Variants in SEM1 observed in about 807,000 individuals in gnomAD.
The protein encoded by SEM1 is SEM1 26S proteasome subunit.
Under a neutral mutation model 12.7 loss-of-function variants are expected in SEM1, and 3 were observed. The ratio of observed to expected loss-of-function variants is 0.24; its 90% confidence interval spans 0.11 to 0.61. The LOEUF is 0.61. Ranked by LOEUF, SEM1 falls within the 20% of genes least tolerant of loss-of-function variation. The pLI, the probability that SEM1 is intolerant of heterozygous loss-of-function variation, is 0.88. For missense variants in SEM1, 59 were observed against 81.3 expected (o/e 0.73, Z 1.06); for synonymous variants, 30 against 27.8 (o/e 1.08, Z -0.25).
chr7:96,645,210 T>C (rs1003046586), intron 2 of SEM1, among the ~76,000 whole-genome samples: 10 of 152,116 alleles, frequency 6.6e-5, no homozygotes, highest in Admixed American at 3.9e-4. Context: ...TTTAAGCATT[T>C]GTTCGTTCGT....
intron 2 of SEM1, among the ~76,000 whole-genome samples, chr7:96,592,619 T>C (rs1806863466): frequency 6.6e-6 from 1 of 151,144 alleles, no homozygotes; most frequent in Non-Finnish European, 1.5e-5. Flanking sequence ...AGAAAACCAT[T>C]AGCACAAGCA....
At chr7:96,638,890 C>T (rs576678323) in intron 2 of SEM1, among the ~76,000 whole-genome samples, 2 of 152,002 alleles carry the variant, frequency 1.3e-5, no homozygotes, top group African/African-American at 2.4e-5. Flanking sequence ...TCAAGCCTGC[C>T]TCTGCCCTTA....
chr7:96,612,696 C>T lies in SEM1; in HGVS notation c.170+82102G>A, dbSNP rs895459299. ...AGTCGCCCAGGCTGGAGTGCAGTGG[C>T]GCAATCTCAGCTCACTGCAAGCTCT... On this transcript the variant is annotated intron_variant and NMD_transcript_variant, in intron 2 of 3. Transcript: ENST00000466986. 5.9e-5 allele frequency among the ~76,000 whole-genome samples: 9 copies of T among 152,244 alleles called. No individual in the cohort carries two copies. The East Asian group carries it at 9.7e-4, about 16-fold the overall frequency.
chr7:96,555,346 CTA>C (rs1563058463), intron 2 of SEM1, among the ~76,000 whole-genome samples: 1 of 151,456 alleles, frequency 6.6e-6, no homozygotes, highest in African/African-American at 2.4e-5. Context: ...AAATTTCCCT[CTA>C]CACACTGTTT....
At chr7:96,644,430 T>C (rs1329557128) in intron 2 of SEM1, among the ~76,000 whole-genome samples, 1 of 152,120 alleles carries the variant, frequency 6.6e-6, no homozygotes, top group African/African-American at 2.4e-5. Context: ...TATTTTTCTG[T>C]CTTCATAGCA....
downstream of SEM1, chr7:96,622,383 A>T (rs563769049): frequency 2.0e-6 from 1 of 511,548 alleles, no homozygotes; most frequent in African/African-American, 1.9e-5. Context: ...ACACAGAATG[A>T]TGAGAAAAAT....
downstream of SEM1, among the ~76,000 whole-genome samples, chr7:96,618,957 A>G (rs1324102665): frequency 1.3e-5 from 2 of 152,206 alleles, no homozygotes; most frequent in Non-Finnish European, 2.9e-5. Flanking sequence ...TCTTAAAAAA[A>G]CAAACTATCT....
chr7:96,531,755 A>G (rs886311149), intron 2 of SEM1, among the ~76,000 whole-genome samples: 1 of 152,116 alleles, frequency 6.6e-6, no homozygotes, highest in Admixed American at 6.6e-5. Context: ...CATTTACCCT[A>G]TTATTACTGG....
rs150876330 is a variant in SEM1, at chr7:96,642,600, A to ATT, written c.171-19959_171-19958dup. 5.3e-5 allele frequency among the ~76,000 whole-genome samples: 8 copies of ATT among 150,864 alleles called. No homozygotes were observed. In the South Asian group the frequency reaches 8.4e-4, roughly 16 times the overall value. ...TTTATTTCCTAGGCACCAAGCTATG[A>ATT]TTTTTTTTCTGTAATAATAGTAGGA... On this transcript the variant is annotated intron_variant, in intron 2 of 2. Transcript: ENST00000417009.
intron 2 of SEM1, among the ~76,000 whole-genome samples, chr7:96,550,919 TA>T (rs897513813): frequency 1.3e-5 from 2 of 152,142 alleles, no homozygotes; most frequent in Non-Finnish European, 2.9e-5. Context: ...TTTTGAAGTG[TA>T]ATGGAAAGAA....
At chr7:96,693,479 G>A (rs954605643) in intron 2 of SEM1, among the ~76,000 whole-genome samples, 4 of 151,856 alleles carry the variant, frequency 2.6e-5, no homozygotes, top group Non-Finnish European at 2.9e-5. Context: ...GCTCTTAGAA[G>A]AAAACAAAGA....
intron 2 of SEM1, among the ~76,000 whole-genome samples, chr7:96,629,551 AT>A (rs1289381724): frequency 1.3e-5 from 2 of 151,682 alleles, no homozygotes; most frequent in Non-Finnish European, 2.9e-5. Context: ...TGTTATCTTG[AT>A]TTTTCTTTGA....
intron 1 of SEM1, among the ~76,000 whole-genome samples, chr7:96,486,849 A>T (rs1802790343): frequency 6.6e-6 from 1 of 152,210 alleles, no homozygotes; most frequent in African/African-American, 2.4e-5. Context: ...CGCCAGTTAA[A>T]CTGGTTCTCA....
chr7:96,569,903 G>A (rs1805964832), intron 2 of SEM1, among the ~76,000 whole-genome samples: 1 of 151,952 alleles, frequency 6.6e-6, no homozygotes, highest in African/African-American at 2.4e-5. Context: ...CATGGTATAT[G>A]TATGCCACAT....
At chr7:96,635,691 G>A (rs989911098) in intron 2 of SEM1, among the ~76,000 whole-genome samples, 16 of 151,988 alleles carry the variant, frequency 1.1e-4, no homozygotes, top group Non-Finnish European at 2.2e-4. Flanking sequence ...GAAGCTGATG[G>A]GTATGCAATA....
chr7:96,562,604 A>G (rs565539984), intron 2 of SEM1, among the ~76,000 whole-genome samples: 14 of 152,340 alleles, frequency 9.2e-5, no homozygotes, highest in African/African-American at 3.4e-4. Context: ...GCCTTGAGCC[A>G]ATATATGAAT....
At chr7:96,578,695 T>C (rs905744958) in intron 2 of SEM1, among the ~76,000 whole-genome samples, 6 of 152,208 alleles carry the variant, frequency 3.9e-5, no homozygotes, top group African/African-American at 1.4e-4. Context: ...TTTGTTGTAG[T>C]GTAAAAAACA....
intron 2 of SEM1, among the ~76,000 whole-genome samples, chr7:96,659,923 AAAAAAAAC>A (rs1377922696): frequency 7.4e-5 from 11 of 148,374 alleles, no homozygotes; most frequent in African/African-American, 2.8e-4. Context: ...CAAAAAAAAA[AAAAAAAAC>A]AAAAACAAGC....
chr7:96,529,338 C>T (rs1004662732), intron 2 of SEM1, among the ~76,000 whole-genome samples: 7 of 152,028 alleles, frequency 4.6e-5, no homozygotes, highest in African/African-American at 1.7e-4. Flanking sequence ...ACCATGAAGG[C>T]CTCCTTGAAT....
Sources: gnomAD v4.1 joint callset for allele counts (sites outside exome capture counted in the v4.1 genomes callset) on GRCh38, gnomAD v4.1.1 for gene constraint, MANE v1.5 for transcripts, NCBI Gene and HGNC (gene_info 2026-07-23, HGNC 2026-07-21) for gene names.